LINGO2: variants seen among roughly 807,000 people sequenced by gnomAD.
LINGO2 encodes leucine rich repeat and Ig domain containing 2.
LINGO2 carries 14 observed loss-of-function variants against 30.6 expected under a neutral mutation model. The observed-to-expected ratio is 0.46, with a 90% CI of 0.30 to 0.72. LINGO2 has a LOEUF of 0.72. Among genes scored for constraint, LINGO2 ranks in the 30% least tolerant of loss-of-function variants. The pLI, the probability that LINGO2 is intolerant of heterozygous loss-of-function variation, is 0.07. For missense variants in LINGO2, 729 were observed against 751.7 expected (o/e 0.97, Z 0.35); for synonymous variants, 317 against 288.5 (o/e 1.10, Z -1.00).
intron 5 of LINGO2, among the ~76,000 whole-genome samples, chr9:27,951,972 C>T (rs1213577351): frequency 1.3e-5 from 2 of 151,966 alleles, no homozygotes; most frequent in Non-Finnish European, 2.9e-5. Flanking sequence ...AGAAAATTTT[C>T]CTCCAAATGT....
At chr9:28,844,270 G>A in the LINGO2 span, among the ~76,000 whole-genome samples, 1 of 151,814 alleles carries the variant, frequency 6.6e-6, no homozygotes, top group Non-Finnish European at 1.5e-5. Flanking sequence ...GCTGAGGCAG[G>A]AGAATCGCTT....
downstream of LINGO2, among the ~76,000 whole-genome samples, chr9:27,946,969 A>C (rs531986621): frequency 6.6e-6 from 1 of 152,216 alleles, no homozygotes; most frequent in South Asian, 2.1e-4. Context: ...CAAAATTTCA[A>C]ATTTTCAAAT....
the LINGO2 span, among the ~76,000 whole-genome samples, chr9:28,798,753 GT>G: frequency 3.3e-5 from 5 of 152,056 alleles, no homozygotes; most frequent in Middle Eastern, 3.2e-3. Flanking sequence ...CTTTCATCAG[GT>G]TTGTTCGCTT....
chr9:28,217,865 T>C (rs1430646737), intron 4 of LINGO2, among the ~76,000 whole-genome samples: 2 of 151,986 alleles, frequency 1.3e-5, no homozygotes, highest in African/African-American at 4.8e-5. Context: ...GTATATTATT[T>C]TGAGATAATT....
At chr9:28,874,423 T>A in the LINGO2 span, among the ~76,000 whole-genome samples, 1 of 152,078 alleles carries the variant, frequency 6.6e-6, no homozygotes, top group Non-Finnish European at 1.5e-5. Context: ...TACCAAACAT[T>A]TGTTAACTAT....
intron 4 of LINGO2, among the ~76,000 whole-genome samples, chr9:28,092,251 T>G (rs1164267316): frequency 6.6e-6 from 1 of 151,988 alleles, no homozygotes; most frequent in Non-Finnish European, 1.5e-5. Context: ...GCACACGTAT[T>G]TTTATTGTGG....
chr9:28,216,579 A>C (rs1820775644), intron 4 of LINGO2, among the ~76,000 whole-genome samples: 1 of 151,960 alleles, frequency 6.6e-6, no homozygotes, highest in Non-Finnish European at 1.5e-5. Flanking sequence ...ACTGACCATA[A>C]ATTGCAAATG....
chr9:29,013,988 T>G, the LINGO2 span, among the ~76,000 whole-genome samples: 1 of 152,182 alleles, frequency 6.6e-6, no homozygotes, highest in Non-Finnish European at 1.5e-5. Context: ...ACATTCTTTT[T>G]TTGGTTCTTT....
At chr9:28,456,282 G>C (rs959631773) in intron 2 of LINGO2, among the ~76,000 whole-genome samples, 2 of 152,112 alleles carry the variant, frequency 1.3e-5, no homozygotes, top group Non-Finnish European at 2.9e-5. Context: ...GCAACTACAG[G>C]GTCTGGCCTG....
chr9:29,025,200 T>C, the LINGO2 span, among the ~76,000 whole-genome samples: 1 of 152,028 alleles, frequency 6.6e-6, no homozygotes, highest in African/African-American at 2.4e-5. Flanking sequence ...AACCCCTGAT[T>C]ACTGAGAATA....
intron 1 of LINGO2, among the ~76,000 whole-genome samples, chr9:28,595,043 G>A (rs576261457): frequency 1.2e-4 from 19 of 152,050 alleles, no homozygotes; most frequent in African/African-American, 4.1e-4. Context: ...ACTCCATCAC[G>A]ATCAGAATGG....
At chr9:29,066,072 C>A in the LINGO2 span, among the ~76,000 whole-genome samples, 3 of 151,742 alleles carry the variant, frequency 2.0e-5, no homozygotes, top group Admixed American at 6.6e-5. Context: ...GAAGGGAGAG[C>A]TAAGTCAAGT....
At chr9:28,173,352 A>G (rs969647753) in intron 4 of LINGO2, among the ~76,000 whole-genome samples, 7 of 152,182 alleles carry the variant, frequency 4.6e-5, no homozygotes, top group Admixed American at 2.0e-4. Context: ...TTTATACTGA[A>G]GGACTTGATA....
chr9:28,660,059 A>G lies in LINGO2; in HGVS notation c.-365+10141T>C, dbSNP rs115146790. The stretch of plus-strand genomic sequence containing the variant: ...ATGCTTATTCATGTATATTAAACAA[A>G]AATGAAGTTGTCATCGGGATTAAAA... On this transcript the variant is annotated intron_variant, in intron 1 of 5. Coordinates refer to ENST00000379992, the Ensembl canonical transcript of LINGO2. 2.7e-3 allele frequency among the ~76,000 whole-genome samples: 416 copies of G among 152,258 alleles called. 3 individuals are homozygous for G. The highest frequency in any genetic ancestry group is 9.6e-3 in the African/African-American group (397 of 41,562).
chr9:28,058,213 T>C lies in LINGO2; in HGVS notation c.-86-45808A>G, dbSNP rs1825020511. On this transcript the variant is annotated intron_variant, in intron 4 of 5. Coordinates refer to ENST00000379992, the Ensembl canonical transcript of LINGO2. ...GATGCCATCATCACTAAAATCTCTTTTGGCAGTCTCAAGATGGGGTGCTGC... is the reference window on the plus strand; with the variant it reads ...GATGCCATCATCACTAAAATCTCTTCTGGCAGTCTCAAGATGGGGTGCTGC... Among the ~76,000 whole-genome samples the C allele has an allele frequency of 3.3e-5, 5 of 152,146 alleles. No homozygotes were observed. In the South Asian group the frequency reaches 1.0e-3, roughly 32 times the overall value.
intron 5 of LINGO2, among the ~76,000 whole-genome samples, chr9:27,961,483 A>C (rs558515762): frequency 1.4e-4 from 22 of 152,322 alleles, no homozygotes; most frequent in South Asian, 1.2e-3. Context: ...GGGACACAGT[A>C]GTTCAGAATG....
At chr9:28,822,129 C>T in the LINGO2 span, among the ~76,000 whole-genome samples, 12 of 152,066 alleles carry the variant, frequency 7.9e-5, no homozygotes, top group African/African-American at 2.9e-4. Context: ...GCCCTCCAGT[C>T]CCATGGAAGC....
the LINGO2 span, among the ~76,000 whole-genome samples, chr9:28,808,799 A>C: frequency 6.6e-6 from 1 of 152,208 alleles, no homozygotes; most frequent in Non-Finnish European, 1.5e-5. Context: ...TTTTTATAAT[A>C]AATATTTAAG....
chr9:27,989,720 G>A (rs150526514), intron 5 of LINGO2, among the ~76,000 whole-genome samples: 5 of 152,012 alleles, frequency 3.3e-5, no homozygotes, highest in Admixed American at 6.6e-5. Flanking sequence ...ACACTTTAAC[G>A]CATTGACCCA....
Sources: allele counts gnomAD v4.1 joint callset (sites outside exome capture counted in the v4.1 genomes callset), GRCh38; gene constraint gnomAD v4.1.1; transcripts MANE v1.5; gene names NCBI Gene and HGNC (gene_info 2026-07-23, HGNC 2026-07-21).